The following NUP153 variants were observed in gnomAD, a reference collection of about 807,000 sequenced individuals.
NUP153 encodes the protein nuclear pore complex protein Nup153.
In NUP153, 27 loss-of-function variants were observed where a neutral mutation model predicts 134.6. The ratio of observed to expected loss-of-function variants is 0.20; its 90% CI spans 0.15 to 0.28. The LOEUF (loss-of-function observed/expected upper bound fraction) is 0.28, where lower values mean the gene tolerates loss of function less well. Among genes scored for constraint, NUP153 ranks in the 10% least tolerant of loss-of-function variants. The probability of loss-of-function intolerance (pLI) is 1.00; values close to 1 mark genes in which losing one functional copy is unlikely to be tolerated. For missense variants in NUP153, 1,821 were observed against 1,731.3 expected, an observed-to-expected ratio of 1.05 and a Z score of -0.92; for synonymous variants, 640 against 623.5, an observed-to-expected ratio of 1.03 and a Z score of -0.40.
chr6:17,648,145 A>G (rs774438597), intron 12 of NUP153, among the ~76,000 whole-genome samples: 3 of 152,228 alleles, frequency 2.0e-5, no homozygotes, highest in Non-Finnish European at 4.4e-5. Context: ...AGTAACATCT[A>G]TAAGAATATG....
intron 14 of NUP153, 28 bp from the exon 15 acceptor site, chr6:17,640,092 T>C: frequency 4.0e-6 from 6 of 1,492,862 alleles, no homozygotes; most frequent in Non-Finnish European, 4.5e-6. Context: ...TTAATAACAT[T>C]ATGCCAAATA....
rs963600952 is a variant in NUP153, at chr6:17,697,958, C to A, written c.111+8319G>T. 2.0e-5 allele frequency among the ~76,000 whole-genome samples: 3 copies of A among 152,186 alleles called. No homozygotes were observed. In the South Asian group the frequency reaches 6.2e-4, roughly 32 times the overall value. The stretch of plus-strand genomic sequence containing the variant: ...CTATATATCCTTCCTTCCTTCTATA[C>A]AAAGCTCTTTTCTTCCTACTAGTTT... On this transcript the variant is annotated intron_variant, in intron 1 of 21. Transcript: ENST00000262077.
intron 8 of NUP153, among the ~76,000 whole-genome samples, chr6:17,668,069 CT>C (rs762142682): frequency 0.18 from 15,931 of 87,074 alleles, 964 homozygotes; most frequent in African/African-American, 0.23. Flanking sequence ...GTTTACTGAA[CT>C]TTTTTTTTTT....
chr6:17,685,200 T>C (rs1768842675), intron 2 of NUP153, among the ~76,000 whole-genome samples: 1 of 152,196 alleles, frequency 6.6e-6, no homozygotes, highest in Non-Finnish European at 1.5e-5. Context: ...ATATGTTAGC[T>C]TTCCAGAATC....
At chr6:17,698,731 C>G (rs1009084657) in intron 1 of NUP153, among the ~76,000 whole-genome samples, 2 of 129,206 alleles carry the variant, frequency 1.5e-5, no homozygotes, top group African/African-American at 3.1e-5. Flanking sequence ...GAGCAAGACT[C>G]TGTCTCAAAA....
At chr6:17,634,781 C>A (rs1432666794) in intron 16 of NUP153, among the ~76,000 whole-genome samples, 1 of 152,076 alleles carries the variant, frequency 6.6e-6, no homozygotes, top group African/African-American at 2.4e-5. Context: ...TTGAAATCAA[C>A]GTCTTTAATT....
intron 16 of NUP153, 45 bp downstream of exon 16, chr6:17,637,107 CA>C: frequency 6.5e-7 from 1 of 1,536,074 alleles, no homozygotes; most frequent in Non-Finnish European, 8.8e-7. Flanking sequence ...TTAAACTGTT[CA>C]ACAGAAGTAA....
At chr6:17,617,194 A>C (rs956840228) in intron 20 of NUP153, among the ~76,000 whole-genome samples, 2 of 152,212 alleles carry the variant, frequency 1.3e-5, no homozygotes, top group Non-Finnish European at 2.9e-5. Context: ...AACAAATCAC[A>C]CAACTTACCT....
At chr6:17,695,892 C>T (rs1769607186) in intron 1 of NUP153, among the ~76,000 whole-genome samples, 1 of 152,056 alleles carries the variant, frequency 6.6e-6, no homozygotes, top group African/African-American at 2.4e-5. Flanking sequence ...ACCTGTAGTC[C>T]CAGCTTCTCA....
rs1295448772 is a variant in NUP153, at chr6:17,661,625, T to C, written c.1395+28A>G. On this transcript the variant is annotated intron_variant, in intron 11 of 21. Transcript: ENST00000262077. The stretch of plus-strand genomic sequence containing the variant: ...CACACCAATGCTTTTTAAATAAACC[T>C]CAAGAGTATATGAGTATACAACCCT... 5 of 1,600,772 alleles carry C rather than the reference T, an allele frequency of 3.1e-6. No homozygotes were observed. In the African/African-American group the frequency reaches 4.0e-5, roughly 13 times the overall value.
intron 14 of NUP153, among the ~76,000 whole-genome samples, 171 bp from the exon 15 acceptor site, chr6:17,640,235 A>G (rs892211429): frequency 6.6e-6 from 1 of 152,240 alleles, no homozygotes; most frequent in Non-Finnish European, 1.5e-5. Flanking sequence ...TGCCATTACA[A>G]GGAGATAAAA....
chr6:17,649,267 G>C lies in NUP153; in HGVS notation c.1429C>G (p.Leu477Val). ...GGCAGTGAAGAACTGGTGATCGGTA[G>C]AGAGATTTTCGGTAATACTGGAACT... ...MEVPVLPKIS[L>V]PITSSSLPTF... The change falls in exon 12 of 22, where the codon CTA (leucine) becomes GTA (valine). Residue 477 changes from leucine to valine, a missense_variant. Coordinates refer to ENST00000262077, the MANE Select transcript of NUP153 (RefSeq NM_005124.4). 1 of 1,613,504 alleles carries C rather than the reference G, an allele frequency of 6.2e-7. No individual in the cohort carries two copies. Among genetic ancestry groups the C allele is most frequent in the Non-Finnish European group, 8.5e-7 (1 of 1,179,794 alleles).
At chr6:17,665,597 T>C (rs1767486637) in intron 8 of NUP153, among the ~76,000 whole-genome samples, 1 of 152,170 alleles carries the variant, frequency 6.6e-6, no homozygotes, top group African/African-American at 2.4e-5. Flanking sequence ...ACACATATAA[T>C]TCTAAAATGG....
chr6:17,664,057 A>G (rs1354592981), intron 9 of NUP153, among the ~76,000 whole-genome samples: 1 of 152,236 alleles, frequency 6.6e-6, no homozygotes, highest in African/African-American at 2.4e-5. Flanking sequence ...AAAATCTAGT[A>G]TATCCATACA....
chr6:17,656,648 A>G (rs1766836346), intron 11 of NUP153, among the ~76,000 whole-genome samples: 1 of 152,092 alleles, frequency 6.6e-6, no homozygotes, highest in Non-Finnish European at 1.5e-5. Flanking sequence ...CAGGTTTTTG[A>G]AGAAAGGAAA....
At chr6:17,695,784 C>T (rs753447772) in intron 1 of NUP153, among the ~76,000 whole-genome samples, 16 of 152,016 alleles carry the variant, frequency 1.1e-4, no homozygotes, top group African/African-American at 3.1e-4. Flanking sequence ...CCAAGGTGGG[C>T]GGATCATGAG....
intron 20 of NUP153, among the ~76,000 whole-genome samples, chr6:17,622,586 T>C (rs555178625): frequency 9.8e-5 from 15 of 152,320 alleles, no homozygotes; most frequent in Admixed American, 7.2e-4. Flanking sequence ...GTGACTCTAA[T>C]TTTTAGGGCC....
chr6:17,629,093 C>T lies in NUP153; in HGVS notation c.3106G>A (p.Ala1036Thr), dbSNP rs374947018. ...TGVINSTPAP[A>T]NTIVTSENKS... is the part of the protein sequence containing the mutation. ...TTCTCAGAGGTCACTATGGTGTTAG[C>T]AGGAGCAGGGGTGGAGTTAATAACA... The change falls in exon 18 of 22, where the codon GCT becomes ACT. Residue 1036 changes from alanine (A) to threonine (T), a missense_variant. Coordinates refer to ENST00000262077, the MANE Select transcript of NUP153 (RefSeq NM_005124.4). The T allele has an allele frequency of 3.7e-6, 6 of 1,614,050 alleles. No individual in the cohort carries two copies. The African/African-American group carries it at 8.0e-5, about 22-fold the overall frequency.
intron 1 of NUP153, among the ~76,000 whole-genome samples, chr6:17,693,565 A>G (rs548306523): frequency 5.1e-4 from 78 of 152,284 alleles, no homozygotes; most frequent in African/African-American, 1.7e-3. Flanking sequence ...AACCACCAGC[A>G]TATCTCTAAG....
Sources: allele counts gnomAD v4.1 joint callset (sites outside exome capture counted in the v4.1 genomes callset), GRCh38; gene constraint gnomAD v4.1.1; transcripts MANE v1.5; gene names NCBI Gene and HGNC (gene_info 2026-07-23, HGNC 2026-07-21).